CTNNA3: variants seen among roughly 807,000 people sequenced by gnomAD.
CTNNA3 encodes catenin alpha 3, also known as catenin alpha-3.
CTNNA3 carries 76 observed loss-of-function variants against 95.7 expected under a neutral mutation model. That is an observed-to-expected ratio of 0.79 (90% CI 0.66 to 0.96). The LOEUF is 0.96. Among genes scored for constraint, CTNNA3 ranks in the 40% least tolerant of loss-of-function variants. The pLI is 0.00. For missense variants in CTNNA3, 1,191 were observed against 1,089.8 expected (o/e 1.09, Z -1.31); for synonymous variants, 431 against 374.4 (o/e 1.15, Z -1.74).
intron 14 of CTNNA3, among the ~76,000 whole-genome samples, chr10:66,089,520 T>C (rs2081130810): frequency 6.6e-6 from 1 of 151,870 alleles, no homozygotes; most frequent in South Asian, 2.1e-4. Flanking sequence ...TTTTTAAATC[T>C]ACTCTGGTTC....
At chr10:67,241,187 G>A (rs972207858) in intron 5 of CTNNA3, among the ~76,000 whole-genome samples, 5 of 143,918 alleles carry the variant, frequency 3.5e-5, no homozygotes, top group African/African-American at 8.2e-5. Flanking sequence ...TTGGAAGGCC[G>A]AGGCAGGTGG....
At chr10:66,948,446 G>C (rs1347663425) in intron 7 of CTNNA3, among the ~76,000 whole-genome samples, 1 of 152,314 alleles carries the variant, frequency 6.6e-6, no homozygotes, top group Admixed American at 6.5e-5. Context: ...GTTTTTAAGA[G>C]AGCAGACCTG....
chr10:67,045,390 T>A (rs547592235), intron 7 of CTNNA3, among the ~76,000 whole-genome samples: 138 of 152,200 alleles, frequency 9.1e-4, no homozygotes, highest in African/African-American at 3.0e-3. Flanking sequence ...TTAAAAAAAA[T>A]TTATTCATTT....
At chr10:67,698,139 T>C (rs1329810252), upstream of CTNNA3, among the ~76,000 whole-genome samples, 1 of 152,150 alleles carries the variant, frequency 6.6e-6, no homozygotes, top group Non-Finnish European at 1.5e-5. Flanking sequence ...TTATTCTCCT[T>C]CCCTATTTAC....
rs536512823 is a variant in CTNNA3, at chr10:67,387,366, C to A, written c.579+134476G>T. Among the ~76,000 whole-genome samples, 3 of 152,176 alleles carry A rather than the reference C, an allele frequency of 2.0e-5. No individual in the cohort carries two copies. In the East Asian group the frequency reaches 5.8e-4, roughly 29 times the overall value. ...CTTTTCCTAGGGGCTTAAAAAACGGCGCACCACGAGAGTATATCCCGCACC... is the reference window on the plus strand; with the variant it reads ...CTTTTCCTAGGGGCTTAAAAAACGGAGCACCACGAGAGTATATCCCGCACC... On this transcript the variant is annotated intron_variant, in intron 5 of 17. Coordinates refer to ENST00000433211, the MANE Select transcript of CTNNA3 (RefSeq NM_013266.4).
rs920854095 is a variant in CTNNA3, at chr10:66,791,787, C to T, written c.1048-16263G>A. 2.0e-5 allele frequency among the ~76,000 whole-genome samples: 3 copies of T among 152,240 alleles called. No homozygotes were observed. In the South Asian group the frequency reaches 6.2e-4, roughly 32 times the overall value. ...AGAATACTGAGGATTTTTAGATAGG[C>T]CTCCTTACAATCAAGGTTTTCTCAT... is the stretch of plus-strand genomic sequence containing the variant. On this transcript the variant is annotated intron_variant, in intron 7 of 17. Transcript: ENST00000433211.
chr10:67,735,781 T>C (rs1326353573), intron 1 of CTNNA3, among the ~76,000 whole-genome samples: 1 of 152,194 alleles, frequency 6.6e-6, no homozygotes, highest in African/African-American at 2.4e-5. Context: ...AGAATTACCA[T>C]ACAACCCAGC....
intron 10 of CTNNA3, among the ~76,000 whole-genome samples, chr10:66,537,318 G>A (rs1330222370): frequency 1.3e-5 from 2 of 152,008 alleles, no homozygotes; most frequent in East Asian, 3.9e-4. Context: ...TATGTCAGAG[G>A]GCATAGAGTT....
chr10:66,545,697 G>A (rs1214822458), intron 10 of CTNNA3, among the ~76,000 whole-genome samples: 3 of 151,900 alleles, frequency 2.0e-5, no homozygotes, highest in Admixed American at 1.3e-4. Context: ...ACTTGATATT[G>A]TCAATCTTTT....
intron 11 of CTNNA3, among the ~76,000 whole-genome samples, chr10:66,431,165 T>G (rs1490301325): frequency 6.6e-6 from 1 of 152,090 alleles, no homozygotes; most frequent in African/African-American, 2.4e-5. Context: ...TCACTGGCCA[T>G]CAGAGAAATG....
intron 13 of CTNNA3, among the ~76,000 whole-genome samples, chr10:66,264,993 A>T (rs918384715): frequency 7.2e-5 from 11 of 152,200 alleles, no homozygotes; most frequent in Non-Finnish European, 1.5e-5. Flanking sequence ...CTGACCAATT[A>T]TCAAGACTAG....
chr10:67,124,159 T>C (rs1033022092), intron 7 of CTNNA3, among the ~76,000 whole-genome samples: 5 of 152,322 alleles, frequency 3.3e-5, no homozygotes, highest in Middle Eastern at 3.4e-3. Flanking sequence ...GAAATGATAC[T>C]ATAAAATGTT....
At chr10:66,024,064 A>G (rs7078739) in intron 15 of CTNNA3, among the ~76,000 whole-genome samples, 101,541 of 146,976 alleles carry the variant, frequency 0.69, 35,240 homozygotes, top group South Asian at 0.76. Flanking sequence ...TCTAGTTATC[A>G]CAGAAACTTA....
At chr10:66,023,773 T>C (rs1001009188) in intron 15 of CTNNA3, among the ~76,000 whole-genome samples, 11 of 152,138 alleles carry the variant, frequency 7.2e-5, no homozygotes, top group Non-Finnish European at 4.4e-5. Context: ...GCCTTTTAAA[T>C]ATTTGAAACA....
chr10:67,513,298 G>A (rs1839700149), intron 5 of CTNNA3, among the ~76,000 whole-genome samples: 2 of 152,174 alleles, frequency 1.3e-5, no homozygotes, highest in African/African-American at 2.4e-5. Context: ...CCCACCTGGA[G>A]GACAAGCATA....
chr10:66,935,915 G>T (rs1365728723), intron 7 of CTNNA3, among the ~76,000 whole-genome samples: 1 of 151,752 alleles, frequency 6.6e-6, no homozygotes, highest in African/African-American at 2.4e-5. Flanking sequence ...CCCACAAAAG[G>T]CTTCTCAAAG....
At chr10:65,929,685 C>T (rs1471732535) in intron 17 of CTNNA3, among the ~76,000 whole-genome samples, 2 of 151,810 alleles carry the variant, frequency 1.3e-5, no homozygotes, top group African/African-American at 4.8e-5. Context: ...TCTCCTGTCT[C>T]AGCCTCCCTA....
intron 7 of CTNNA3, among the ~76,000 whole-genome samples, chr10:66,842,131 T>C (rs1843086929): frequency 1.3e-5 from 2 of 151,852 alleles, no homozygotes; most frequent in South Asian, 4.2e-4. Flanking sequence ...TTTGGAGAGA[T>C]GCAGTCTCTC....
intron 7 of CTNNA3, among the ~76,000 whole-genome samples, chr10:67,115,633 G>C (rs144809416): frequency 6.5e-4 from 98 of 151,830 alleles, no homozygotes; most frequent in African/African-American, 1.9e-3. Context: ...TCATCTACTA[G>C]AGGAATGGAT....
Sources: allele counts gnomAD v4.1 joint callset (sites outside exome capture counted in the v4.1 genomes callset), GRCh38; gene constraint gnomAD v4.1.1; transcripts MANE v1.5; gene names NCBI Gene and HGNC (gene_info 2026-07-23, HGNC 2026-07-21).